The following CCR3 variants were observed in gnomAD, a reference collection of about 807,000 sequenced individuals.
CCR3 encodes the protein C-C chemokine receptor type 3.
For synonymous variants in CCR3, 203 were observed against 179.2 expected (o/e 1.13, Z -1.06); for missense variants, 419 against 437.5 (o/e 0.96, Z 0.38).
In CCR3 at chr3:46,260,182, G is replaced by A. The variant is rs545616125; in HGVS notation, c.-11-4966G>A. ...TCACCTCCCACCGTGTGTCTCCCAC[G>A]ACACATGGGGATTGTGGGTGTTACA... is the stretch of plus-strand genomic sequence containing the variant. On this transcript the variant is annotated intron_variant, in intron 1 of 1. Coordinates refer to ENST00000395940, the MANE Select transcript of CCR3 (RefSeq NM_178329.3). 5.9e-5 allele frequency among the ~76,000 whole-genome samples: 9 copies of A among 152,234 alleles called. No individual in the cohort carries two copies. In the South Asian group the frequency reaches 1.2e-3, roughly 21 times the overall value.
intron 1 of CCR3, among the ~76,000 whole-genome samples, chr3:46,246,647 A>T (rs1210438223): frequency 6.6e-6 from 1 of 152,100 alleles, no homozygotes; most frequent in Non-Finnish European, 1.5e-5. Context: ...GTGATTCTTC[A>T]GTTACTTCAG....
In CCR3 at chr3:46,265,479, G is replaced by C; in HGVS notation, c.321G>C (p.Lys107Asn). 6.2e-7 allele frequency: 1 copy of C among 1,614,142 alleles called. No individual in the cohort carries two copies. The highest frequency in any genetic ancestry group is 1.1e-5 in the South Asian group (1 of 91,080). Residue 107 changes from lysine to asparagine, a missense_variant, in exon 2 of 2, where the codon AAG (lysine) becomes AAC (asparagine). Coordinates refer to ENST00000395940, the MANE Select transcript of CCR3 (RefSeq NM_178329.3). ...GGGTTTTTGGCCATGGCATGTGTAA[G>C]CTCCTCTCAGGGTTTTATCACACAG... ...HNWVFGHGMC[K>N]LLSGFYHTGL...
chr3:46,259,623 T>C (rs1700486712), intron 1 of CCR3, among the ~76,000 whole-genome samples: 1 of 152,232 alleles, frequency 6.6e-6, no homozygotes, highest in Non-Finnish European at 1.5e-5. Context: ...ATAAACTTAA[T>C]TAGTCTAACA....
Position 46,265,408 on chromosome 3 carries a change from C to T in CCR3, c.250C>T (p.Leu84Phe). The change falls in exon 2 of 2, where the codon CTC becomes TTC. Residue 84 changes from leucine to phenylalanine, a missense_variant. Leu to Phe is a conservative substitution (Grantham distance 22, BLOSUM62 0). Coordinates refer to ENST00000395940, the MANE Select transcript of CCR3 (RefSeq NM_178329.3). Reference protein sequence around the residue: ...LNLAISDLLFLVTLPFWIHYV... With the variant: ...LNLAISDLLFFVTLPFWIHYV... ...CCTGGCCATTTCGGACCTGCTCTTC[C>T]TCGTCACCCTTCCATTCTGGATCCA... 6.2e-7 allele frequency: 1 copy of T among 1,614,168 alleles called. No individual in the cohort carries two copies.
intron 1 of CCR3, among the ~76,000 whole-genome samples, chr3:46,251,364 A>C (rs931423263): frequency 2.0e-5 from 3 of 152,054 alleles, no homozygotes; most frequent in African/African-American, 7.3e-5. Flanking sequence ...AATTAAGAGA[A>C]GGGAGAGATT....
At chr3:46,243,033 A>ACATATATATAT (rs1700124239) in intron 1 of CCR3, among the ~76,000 whole-genome samples, 1 of 149,024 alleles carries the variant, frequency 6.7e-6, no homozygotes. Flanking sequence ...TTATATATAC[A>ACATATATATAT]AAGTCCTCCC....
In CCR3 at chr3:46,247,291, T is replaced by C. The variant is rs371913123; in HGVS notation, c.-12+4753T>C. The stretch of plus-strand genomic sequence containing the variant: ...ATGACTAGATAGAAAATAGTAGGGA[T>C]GACAAGTTTTTTTGGGGCACAGTCT... On this transcript the variant is annotated intron_variant, in intron 1 of 1. Coordinates refer to ENST00000395940, the MANE Select transcript of CCR3 (RefSeq NM_178329.3). Among the ~76,000 whole-genome samples the C allele has an allele frequency of 3.5e-4, 53 of 152,166 alleles. No individual in the cohort carries two copies. The East Asian group carries it at 6.0e-3, about 17-fold the overall frequency.
chr3:46,265,442 G>A lies in CCR3; in HGVS notation c.284G>A (p.Arg95Lys). 1 of 1,614,162 alleles carries A rather than the reference G, an allele frequency of 6.2e-7. No individual in the cohort carries two copies. The highest frequency in any genetic ancestry group is 1.1e-5 in the South Asian group (1 of 91,084). Reference sequence around the variant, plus strand: ...CTTCCATTCTGGATCCACTATGTCAGGGGGCATAACTGGGTTTTTGGCCAT... The same window carrying A: ...CTTCCATTCTGGATCCACTATGTCAAGGGGCATAACTGGGTTTTTGGCCAT... The part of the protein sequence containing the change: ...VTLPFWIHYV[R>K]GHNWVFGHGM... The change falls in exon 2 of 2, where the codon AGG (arginine) becomes AAG (lysine). Residue 95 changes from arginine to lysine, a missense_variant. By Grantham distance (26) the Arg-to-Lys change is conservative. Coordinates refer to ENST00000395940, the MANE Select transcript of CCR3 (RefSeq NM_178329.3).
In CCR3 at chr3:46,212,755, G is replaced by A. The variant is rs561766365; in HGVS notation, c.-68+1848G>A. 7.2e-5 allele frequency among the ~76,000 whole-genome samples: 11 copies of A among 152,062 alleles called. No individual in the cohort carries two copies. The South Asian group carries it at 1.2e-3, about 17-fold the overall frequency. On this transcript the variant is annotated intron_variant, in intron 2 of 3. Transcript: ENST00000357422. Reference sequence around the variant, plus strand: ...CTCATCTATCCCACTGTGCTTCATCGTGTCCCAAAGTGAAAGAGGGCATTG... The same window carrying A: ...CTCATCTATCCCACTGTGCTTCATCATGTCCCAAAGTGAAAGAGGGCATTG...
At chr3:46,229,430 A>C (rs987184341) in intron 2 of CCR3, among the ~76,000 whole-genome samples, 3 of 152,150 alleles carry the variant, frequency 2.0e-5, no homozygotes, top group Non-Finnish European at 4.4e-5. Context: ...GGTACCTTGA[A>C]GTGGGATGCT....
At chr3:46,229,193 T>C (rs928794741) in intron 2 of CCR3, among the ~76,000 whole-genome samples, 3 of 152,228 alleles carry the variant, frequency 2.0e-5, no homozygotes, top group African/African-American at 7.2e-5. Context: ...GAACATTCTT[T>C]CATACTGTCT....
chr3:46,227,690 C>T lies in CCR3; in HGVS notation c.-67-14712C>T, dbSNP rs193194901. Among the ~76,000 whole-genome samples, 533 of 152,322 alleles carry T rather than the reference C, an allele frequency of 3.5e-3. 3 individuals are homozygous for T. The highest frequency in any genetic ancestry group is 6.3e-3 in the Non-Finnish European group (426 of 68,032). ...TATTTTCCTCTCAGAACTGCTTTAG[C>T]TACAGCCCACATACCTTGATATATT... On this transcript the variant is annotated intron_variant, in intron 2 of 3. Transcript: ENST00000357422.
intron 2 of CCR3, among the ~76,000 whole-genome samples, chr3:46,227,390 T>C (rs1252031890): frequency 6.6e-6 from 1 of 152,204 alleles, no homozygotes; most frequent in Non-Finnish European, 1.5e-5. Context: ...CTCTTGTATG[T>C]CTTGCTAGAG....
intron 2 of CCR3, among the ~76,000 whole-genome samples, chr3:46,223,449 TA>T (rs1452869833): frequency 6.6e-6 from 1 of 152,254 alleles, no homozygotes; most frequent in Admixed American, 6.5e-5. Context: ...TCTCTCCAGC[TA>T]AATTGTAAGC....
At chr3:46,227,337 C>CG (rs1245414991) in intron 2 of CCR3, among the ~76,000 whole-genome samples, 1 of 53,606 alleles carries the variant, frequency 1.9e-5, no homozygotes, top group Non-Finnish European at 3.0e-5. Context: ...GTAGTAATAT[C>CG]CCGTTTTATT....
At chr3:46,255,261 ATTTG>A (rs2125932598) in intron 1 of CCR3, among the ~76,000 whole-genome samples, 1 of 151,596 alleles carries the variant, frequency 6.6e-6, no homozygotes, top group African/African-American at 2.4e-5. Context: ...TTTCTTGATG[ATTTG>A]TTTGAGTTCC....
chr3:46,233,955 G>A (rs1699995896), intron 2 of CCR3, among the ~76,000 whole-genome samples: 1 of 152,192 alleles, frequency 6.6e-6, no homozygotes, highest in Non-Finnish European at 1.5e-5. Context: ...CTGCAACACA[G>A]GGGTAAGGTA....
In CCR3 at chr3:46,222,778, T is replaced by A. The variant is rs530418764; in HGVS notation, c.-68+11871T>A. Among the ~76,000 whole-genome samples, 5 of 152,342 alleles carry A rather than the reference T, an allele frequency of 3.3e-5. No individual in the cohort carries two copies. In the South Asian group the frequency reaches 8.3e-4, roughly 25 times the overall value. ...CACGTTTAAAATAGTGAGAGTAATATTTCTTTCTCAGGATTGTTGCAATAA... is the reference window on the plus strand; with the variant it reads ...CACGTTTAAAATAGTGAGAGTAATAATTCTTTCTCAGGATTGTTGCAATAA... On this transcript the variant is annotated intron_variant, in intron 2 of 3. Transcript: ENST00000357422.
upstream of CCR3, among the ~76,000 whole-genome samples, chr3:46,238,747 A>T (rs941044328): frequency 6.6e-6 from 1 of 152,178 alleles, no homozygotes; most frequent in African/African-American, 2.4e-5. Flanking sequence ...CAGAGAAAAA[A>T]GTGGGGGGAC....
Sources: gnomAD v4.1 joint callset for allele counts (sites outside exome capture counted in the v4.1 genomes callset) on GRCh38, gnomAD v4.1.1 for gene constraint, MANE v1.5 for transcripts, NCBI Gene and HGNC (gene_info 2026-07-23, HGNC 2026-07-21) for gene names.